The following CUTC variants were observed in gnomAD, a reference collection of about 807,000 sequenced individuals.
The protein encoded by CUTC is copper homeostasis protein cutC homolog.
A neutral mutation model predicts 36.2 loss-of-function variants in CUTC; 27 were observed. The observed-to-expected ratio is 0.75, with a 90% CI of 0.55 to 1.03. The LOEUF is 1.03. Ranked by LOEUF, CUTC falls within the 50% of genes least tolerant of loss-of-function variation. The pLI is 0.00. For synonymous variants in CUTC, 114 were observed against 118.3 expected (o/e 0.96, Z 0.24); for missense variants, 315 against 343.5 (o/e 0.92, Z 0.66).
At chr10:99,738,605 A>T (rs114569263) in intron 2 of CUTC, among the ~76,000 whole-genome samples, 1,877 of 152,232 alleles carry the variant, frequency 0.012, 49 homozygotes, top group African/African-American at 0.043. Flanking sequence ...CAATTTTGCT[A>T]ATTATATGTG....
At chr10:99,732,967 A>T (rs760183155) in intron 1 of CUTC, among the ~76,000 whole-genome samples, 20 of 152,162 alleles carry the variant, frequency 1.3e-4, no homozygotes, top group Admixed American at 5.2e-4. Context: ...GTGAAGAGGA[A>T]CCTTCCTAAA....
chr10:99,745,778 A>T (rs1345023309), intron 5 of CUTC, among the ~76,000 whole-genome samples: 1 of 152,212 alleles, frequency 6.6e-6, no homozygotes. Context: ...AATCACTTGA[A>T]TCAGGGAGTC....
At chr10:99,732,431 G>GA in intron 1 of CUTC, 22 bp downstream of exon 1, 1 of 1,549,532 alleles carries the variant, frequency 6.5e-7, no homozygotes, top group Middle Eastern at 1.9e-4. Flanking sequence ...GGCGGGGGAG[G>GA]GGACGGTCGG....
At position 99,747,391 on chromosome 10, in the gene CUTC, G is replaced by C. The variant is rs780410456; in HGVS notation, c.573+1G>C. 5.6e-6 allele frequency: 9 copies of C among 1,613,934 alleles called. No individual in the cohort carries two copies. Among genetic ancestry groups the C allele is most frequent in the Non-Finnish European group, 7.6e-6 (9 of 1,179,996 alleles). ...CCTAATAAAGCGACTCATTGAGCAG[G>C]TACGTGGACTTTATCTTTTTTTCCC... On this transcript the variant is annotated splice_donor_variant, in intron 6 of 8. Transcript: ENST00000370476. LOFTEE classifies it high-confidence loss of function.
At chr10:99,733,641 A>G (rs1446630941) in intron 1 of CUTC, among the ~76,000 whole-genome samples, 1 of 152,158 alleles carries the variant, frequency 6.6e-6, no homozygotes, top group Non-Finnish European at 1.5e-5. Context: ...CTCAAAAAAG[A>G]AAACGCCTCT....
chr10:99,751,398 G>A (rs923046989), intron 7 of CUTC, among the ~76,000 whole-genome samples: 6 of 152,078 alleles, frequency 3.9e-5, no homozygotes, highest in Admixed American at 2.6e-4. Flanking sequence ...TGCTATATTG[G>A]CCAGGCTGGA....
At position 99,738,802 on chromosome 10, in the gene CUTC, T is replaced by C. The variant is rs74152744; in HGVS notation, c.134-908T>C. Among the ~76,000 whole-genome samples the C allele has an allele frequency of 2.0e-3, 301 of 152,324 alleles. 2 individuals carry two copies. Among genetic ancestry groups the C allele is most frequent in the African/African-American group, 7.0e-3 (293 of 41,576 alleles). The stretch of plus-strand genomic sequence containing the variant: ...TTTTCTGTTTTTGTGATATTAAGAT[T>C]GAACAGGGAGTTCAGGTATTGCCAG... On this transcript the variant is annotated intron_variant, in intron 2 of 8. Transcript: ENST00000370476.
chr10:99,740,975 A>G (rs2037336826), intron 3 of CUTC, among the ~76,000 whole-genome samples: 1 of 152,170 alleles, frequency 6.6e-6, no homozygotes, highest in African/African-American at 2.4e-5. Flanking sequence ...GAACATGTGG[A>G]ATAAAGTTAT....
At chr10:99,732,500 G>A in intron 1 of CUTC, 91 bp downstream of exon 1, 8 of 1,536,432 alleles carry the variant, frequency 5.2e-6, no homozygotes, top group Non-Finnish European at 6.1e-6. Flanking sequence ...TTCTTCTGGA[G>A]TCGTTTCCTC....
At chr10:99,735,987 T>C (rs952399172) in intron 1 of CUTC, among the ~76,000 whole-genome samples, 1 of 152,266 alleles carries the variant, frequency 6.6e-6, no homozygotes, top group African/African-American at 2.4e-5. Flanking sequence ...GTCTATGTTT[T>C]AGGAAGATTA....
At chr10:99,732,578 G>T in intron 1 of CUTC, 169 bp downstream of exon 1, 1 of 1,438,864 alleles carries the variant, frequency 6.9e-7, no homozygotes, top group African/African-American at 1.4e-5. Flanking sequence ...AACGGAGGGC[G>T]TGACGAGGGG....
chr10:99,745,464 T>C (rs1407607753), intron 5 of CUTC, among the ~76,000 whole-genome samples: 1 of 152,218 alleles, frequency 6.6e-6, no homozygotes, highest in Non-Finnish European at 1.5e-5. Flanking sequence ...TTCAATGTCA[T>C]GTAGCAGTAT....
intron 2 of CUTC, among the ~76,000 whole-genome samples, chr10:99,736,910 A>T (rs1299631145): frequency 6.6e-6 from 1 of 152,198 alleles, no homozygotes; most frequent in Non-Finnish European, 1.5e-5. Context: ...TGCATAGTAT[A>T]TATATTTTCA....
At chr10:99,746,697 G>A (rs936105044) in intron 5 of CUTC, among the ~76,000 whole-genome samples, 1 of 151,998 alleles carries the variant, frequency 6.6e-6, no homozygotes, top group African/African-American at 2.4e-5. Flanking sequence ...AGAAAAAAGA[G>A]CCCTGATTTG....
intron 7 of CUTC, 71 bp from the exon 8 acceptor site, chr10:99,754,458 A>C: frequency 1.0e-6 from 1 of 967,766 alleles, no homozygotes; most frequent in Non-Finnish European, 1.6e-6. Context: ...TAAAGTAAGC[A>C]GTCGTTACTA....
At chr10:99,743,947 TA>T in intron 4 of CUTC, 89 bp from the exon 5 acceptor site, 1 of 997,526 alleles carries the variant, frequency 1.0e-6, no homozygotes, top group African/African-American at 1.7e-5. Flanking sequence ...AAGAAAGTAT[TA>T]AAAAGTTTCA....
intron 1 of CUTC, among the ~76,000 whole-genome samples, chr10:99,733,657 G>A (rs1360265682): frequency 1.3e-5 from 2 of 152,120 alleles, no homozygotes; most frequent in Non-Finnish European, 2.9e-5. Context: ...CCTCTCACTT[G>A]TGAGAGAATT....
At chr10:99,739,007 G>A (rs116577775) in intron 2 of CUTC, among the ~76,000 whole-genome samples, 116 of 152,200 alleles carry the variant, frequency 7.6e-4, no homozygotes, top group African/African-American at 2.6e-3. Context: ...TATAAGAAAG[G>A]CAGAATAAAT....
intron 7 of CUTC, among the ~76,000 whole-genome samples, chr10:99,753,666 C>T (rs556013587): frequency 2.0e-4 from 31 of 152,162 alleles, no homozygotes; most frequent in Non-Finnish European, 3.1e-4. Flanking sequence ...CTGCCTTGGC[C>T]TCCCAAAGTG....
Sources: allele counts gnomAD v4.1 joint callset (sites outside exome capture counted in the v4.1 genomes callset), GRCh38; gene constraint gnomAD v4.1.1; transcripts MANE v1.5; gene names NCBI Gene and HGNC (gene_info 2026-07-23, HGNC 2026-07-21).